Variants in ARMC3 observed in about 807,000 individuals in gnomAD.
ARMC3 encodes armadillo repeat containing 3.
A neutral mutation model predicts 90.3 loss-of-function variants in ARMC3; 74 were observed. That is an observed-to-expected ratio of 0.82 (90% CI 0.68 to 0.99). ARMC3 has a LOEUF of 0.99. ARMC3 is among the 50% of genes least tolerant of loss of function. The pLI is 0.00. For synonymous variants in ARMC3, 334 were observed against 361.8 expected (o/e 0.92, Z 0.87); for missense variants, 958 against 1,042.8 (o/e 0.92, Z 1.12).
intron 2 of ARMC3, among the ~76,000 whole-genome samples, chr10:22,941,139 C>T (rs374244067): frequency 1.6e-4 from 25 of 152,026 alleles, no homozygotes; most frequent in African/African-American, 4.3e-4. Flanking sequence ...ATAGGACAGG[C>T]GAAACTGATC....
intron 7 of ARMC3, among the ~76,000 whole-genome samples, chr10:22,967,640 T>C (rs1835500071): frequency 6.6e-6 from 1 of 152,186 alleles, no homozygotes; most frequent in Non-Finnish European, 1.5e-5. Flanking sequence ...TAGTTGGTGC[T>C]GTAACTGAGT....
At chr10:22,955,677 G>T in intron 3 of ARMC3, 130 bp from the exon 4 acceptor site, 1 of 1,117,080 alleles carries the variant, frequency 9.0e-7, no homozygotes. Context: ...TTTATTCTGA[G>T]GGAAATACGA....
chr10:22,978,916 G>A (rs540780782), intron 8 of ARMC3, among the ~76,000 whole-genome samples: 7 of 152,252 alleles, frequency 4.6e-5, no homozygotes, highest in South Asian at 2.1e-4. Flanking sequence ...CAGTCGAAAC[G>A]TCCAAACTCA....
At chr10:22,997,795 G>A (rs1234906900) in intron 10 of ARMC3, among the ~76,000 whole-genome samples, 1 of 152,022 alleles carries the variant, frequency 6.6e-6, no homozygotes, top group Admixed American at 6.5e-5. Context: ...TCTTTAAATA[G>A]AATTTCCTGG....
chr10:22,983,928 T>C (rs192973966), intron 10 of ARMC3, among the ~76,000 whole-genome samples: 24 of 152,314 alleles, frequency 1.6e-4, no homozygotes, highest in Admixed American at 6.5e-5. Flanking sequence ...CATTGGTGAG[T>C]ATTTCTGGCA....
At chr10:22,940,087 T>A (rs539456327) in intron 2 of ARMC3, among the ~76,000 whole-genome samples, 1 of 152,210 alleles carries the variant, frequency 6.6e-6, no homozygotes. Context: ...AAAAAAGATA[T>A]ATACCATGCA....
rs570638321 is a variant in ARMC3, at chr10:23,018,707, A to G, written c.2045+9776A>G. On this transcript the variant is annotated intron_variant, in intron 16 of 18. Transcript: ENST00000298032. The stretch of plus-strand genomic sequence containing the variant: ...AATTTTTTGTATTTTTAGTAGAGAC[A>G]GGGTTTCACCACATTAGCCAGGATG... Among the ~76,000 whole-genome samples, 4 of 152,016 alleles carry G rather than the reference A, an allele frequency of 2.6e-5. No individual in the cohort carries two copies. In the East Asian group the frequency reaches 5.8e-4, roughly 22 times the overall value.
At chr10:23,010,568 T>C (rs1299630756) in intron 16 of ARMC3, among the ~76,000 whole-genome samples, 20 of 90,142 alleles carry the variant, frequency 2.2e-4, no homozygotes, top group Non-Finnish European at 2.7e-4. Context: ...CCTTCCCTTC[T>C]CTCCCCTCTC....
intron 11 of ARMC3, 106 bp downstream of exon 11, chr10:22,998,503 C>A: frequency 7.1e-7 from 1 of 1,407,354 alleles, no homozygotes; most frequent in Non-Finnish European, 9.5e-7. Context: ...CATTTAAGTC[C>A]TTCAAAACCG....
At chr10:22,993,424 G>T (rs1836800002) in intron 10 of ARMC3, among the ~76,000 whole-genome samples, 1 of 152,198 alleles carries the variant, frequency 6.6e-6, no homozygotes, top group Non-Finnish European at 1.5e-5. Flanking sequence ...GGGAGGAAAT[G>T]AACCAATTTC....
intron 4 of ARMC3, among the ~76,000 whole-genome samples, chr10:22,956,974 G>A (rs1834969843): frequency 6.6e-6 from 1 of 151,912 alleles, no homozygotes; most frequent in African/African-American, 2.4e-5. Flanking sequence ...TTTTCTAATA[G>A]TAGTTTTTGA....
At chr10:22,932,069 T>C (rs778646016) in intron 2 of ARMC3, 25 bp downstream of exon 2, 1 of 1,570,172 alleles carries the variant, frequency 6.4e-7, no homozygotes. Flanking sequence ...TGAATACTAG[T>C]AGCACTTTAA....
intron 8 of ARMC3, among the ~76,000 whole-genome samples, chr10:22,970,541 C>T (rs1835636553): frequency 6.6e-6 from 1 of 152,152 alleles, no homozygotes; most frequent in African/African-American, 2.4e-5. Context: ...AAAGAGAACT[C>T]GTGTTGCAAA....
At chr10:22,983,784 T>A (rs1412296345) in intron 10 of ARMC3, among the ~76,000 whole-genome samples, 1 of 152,216 alleles carries the variant, frequency 6.6e-6, no homozygotes, top group Non-Finnish European at 1.5e-5. Flanking sequence ...AACCACATAG[T>A]CCTTCTAGAA....
chr10:22,972,754 T>C (rs1325892350), intron 8 of ARMC3, among the ~76,000 whole-genome samples: 2 of 152,224 alleles, frequency 1.3e-5, no homozygotes, highest in South Asian at 2.1e-4. Flanking sequence ...TTGTTTATTA[T>C]ACCCTCCTTG....
At position 22,968,592 on chromosome 10, in the gene ARMC3, C is replaced by T. The variant is rs1588858500; in HGVS notation, c.916+103C>T. The T allele has an allele frequency of 2.8e-6, 3 of 1,060,154 alleles. No individual in the cohort carries two copies. In the East Asian group the frequency reaches 8.3e-5, roughly 29 times the overall value. The allele number at this position is 1,060,154 out of a possible 1,614,324, so 65.7% of individuals were successfully genotyped here. A position where few individuals can be genotyped will look rare whatever the true frequency, so the allele number is the denominator to read the frequency against. ...ACAGCTCACTGCAGCCTCAACCTCC[C>T]CAGGTTACAAGTGATTCTCCCACCT... is the stretch of plus-strand genomic sequence containing the variant. On this transcript the variant is annotated intron_variant, in intron 8 of 18. Transcript: ENST00000298032.
At chr10:22,933,877 T>G (rs939471500) in intron 2 of ARMC3, among the ~76,000 whole-genome samples, 1 of 152,132 alleles carries the variant, frequency 6.6e-6, no homozygotes, top group African/African-American at 2.4e-5. Flanking sequence ...AGAGCGAGAC[T>G]GCATCTCAAA....
intron 7 of ARMC3, 44 bp from the exon 8 acceptor site, chr10:22,968,262 A>C (rs959008421): frequency 3.2e-6 from 5 of 1,563,496 alleles, no homozygotes; most frequent in Non-Finnish European, 4.4e-6. Flanking sequence ...GGAAGTGTAC[A>C]TTTTAGTACA....
At chr10:22,973,293 T>TTAA (rs148238155) in intron 8 of ARMC3, among the ~76,000 whole-genome samples, 16,872 of 140,760 alleles carry the variant, frequency 0.12, 967 homozygotes, top group South Asian at 0.14. Flanking sequence ...AGCAAGACCC[T>TTAA]TAATAATAAT....
Sources: allele counts gnomAD v4.1 joint callset (sites outside exome capture counted in the v4.1 genomes callset), GRCh38; gene constraint gnomAD v4.1.1; transcripts MANE v1.5; gene names NCBI Gene and HGNC (gene_info 2026-07-23, HGNC 2026-07-21).